Variants in GGA2 observed in about 807,000 individuals in gnomAD.
GGA2 encodes ADP-ribosylation factor-binding protein GGA2.
GGA2 carries 48 observed loss-of-function variants against 79.5 expected under a neutral mutation model. The ratio of observed to expected loss-of-function variants is 0.60; its 90% CI spans 0.48 to 0.77. GGA2 has a LOEUF of 0.77. GGA2 is among the 30% of genes least tolerant of loss of function. The pLI, the probability that GGA2 is intolerant of heterozygous loss-of-function variation, is 0.00. For synonymous variants in GGA2, 317 were observed against 302.0 expected (o/e 1.05, Z -0.51); for missense variants, 770 against 774.0 (o/e 0.99, Z 0.06).
rs1313194623 is a variant in GGA2 at position 23,488,657 on chromosome 16, T to C, written c.528A>G (p.Pro176=). Residue 176 remains proline (P), a synonymous_variant, in exon 6 of 17, where the codon CCA becomes CCG. Transcript: ENST00000309859. ...AGATGGAGCTCTTGGGCCAGGGAGA[T>C]GGTGGGGGTAAGATTTTATCCACTG... The part of the protein sequence containing the change: ...KLPVDKILPP[P]SPWPKSSIFD... 7 of 1,611,548 alleles carry C rather than the reference T, an allele frequency of 4.3e-6. No homozygotes were observed. The highest frequency in any genetic ancestry group is 2.2e-5 in the East Asian group (1 of 44,866).
intron 4 of GGA2, among the ~76,000 whole-genome samples, chr16:23,492,092 A>C (rs1964796155): frequency 6.6e-6 from 1 of 152,224 alleles, no homozygotes; most frequent in Admixed American, 6.5e-5. Flanking sequence ...AGAATATAAT[A>C]ATAAAATTTG....
In GGA2 at chr16:23,510,492, T is replaced by A. The variant is rs1965030136; in HGVS notation, c.-81A>T. The A allele has an allele frequency of 3.9e-6, 2 of 510,284 alleles. No homozygotes were observed. Among genetic ancestry groups the A allele is most frequent in the Non-Finnish European group, 6.2e-6 (2 of 324,266 alleles). 31.6% of individuals were successfully genotyped at this position (510,284 alleles called of 1,614,324 possible). On this transcript the variant is annotated 5_prime_UTR_variant, in exon 1 of 17. Transcript: ENST00000309859. Reference sequence around the variant, plus strand: ...CGTCCTGGCGCTCTCCTCTGCTGACTGCGCGGCAGGAGCGGTGGACACGTG... The same window carrying A: ...CGTCCTGGCGCTCTCCTCTGCTGACAGCGCGGCAGGAGCGGTGGACACGTG...
intron 1 of GGA2, among the ~76,000 whole-genome samples, chr16:23,498,071 G>A (rs1483748591): frequency 6.6e-6 from 1 of 152,176 alleles, no homozygotes; most frequent in Admixed American, 6.5e-5. Context: ...CCTGAACTCA[G>A]GAGTTGGAGG....
chr16:23,482,139 C>T (rs1033321198), intron 9 of GGA2, among the ~76,000 whole-genome samples: 1 of 152,132 alleles, frequency 6.6e-6, no homozygotes, highest in African/African-American at 2.4e-5. Flanking sequence ...TGGTGGGTGC[C>T]TATAATCCCA....
At chr16:23,485,913 A>T in intron 8 of GGA2, 102 bp downstream of exon 8, 1 of 1,066,300 alleles carries the variant, frequency 9.4e-7, no homozygotes, top group Non-Finnish European at 1.4e-6. Context: ...AGATATGTTT[A>T]CCGTCTTGAC....
intron 16 of GGA2, among the ~76,000 whole-genome samples, chr16:23,468,042 G>A (rs1248978842): frequency 2.0e-5 from 3 of 152,138 alleles, no homozygotes; most frequent in African/African-American, 7.2e-5. Context: ...CCCAAAGACA[G>A]ACTCCAGCGA....
chr16:23,485,137 C>T (rs1185444909), intron 8 of GGA2, among the ~76,000 whole-genome samples: 1 of 152,132 alleles, frequency 6.6e-6, no homozygotes, highest in Non-Finnish European at 1.5e-5. Context: ...GACACGAAAG[C>T]CCACGTATTG....
In GGA2 at chr16:23,463,937, A is replaced by C. The variant is rs1267314713; in HGVS notation, c.*3653T>G. The C allele has an allele frequency of 6.6e-6, 1 of 152,316 alleles. No individual in the cohort carries two copies. Among genetic ancestry groups the C allele is most frequent in the Non-Finnish European group, 1.5e-5 (1 of 68,076 alleles). The allele number at this position is 152,316 out of a possible 1,614,324, so 9.4% of individuals were successfully genotyped here. A position where few individuals can be genotyped will look rare whatever the true frequency, so the allele number is the denominator to read the frequency against. Reference sequence around the variant, plus strand: ...AGCTACAATCACGCCACTGCACTCCAGCCTGGGCAACAGAGCAAAGCCCTG... The same window carrying C: ...AGCTACAATCACGCCACTGCACTCCCGCCTGGGCAACAGAGCAAAGCCCTG... On this transcript the variant is annotated 3_prime_UTR_variant, in exon 17 of 17. Coordinates refer to ENST00000309859, the MANE Select transcript of GGA2 (RefSeq NM_015044.4).
At chr16:23,500,909 C>T (rs1196971513) in intron 1 of GGA2, 1 of 190,118 alleles carries the variant, frequency 5.3e-6, no homozygotes, top group Non-Finnish European at 1.1e-5. Flanking sequence ...AAGAGGAGCT[C>T]TCACCTATAT....
At chr16:23,476,449 G>C (rs1388417462) in intron 13 of GGA2, among the ~76,000 whole-genome samples, 2 of 152,088 alleles carry the variant, frequency 1.3e-5, no homozygotes. Context: ...TCCCTTCAGG[G>C]ATCTATACTA....
At chr16:23,509,274 A>G (rs901662548) in intron 1 of GGA2, among the ~76,000 whole-genome samples, 1 of 152,150 alleles carries the variant, frequency 6.6e-6, no homozygotes, top group African/African-American at 2.4e-5. Flanking sequence ...CCTGAGCTTT[A>G]GGCTTGCACT....
upstream of GGA2, among the ~76,000 whole-genome samples, chr16:23,512,372 C>T (rs1481786181): frequency 2.0e-5 from 3 of 152,218 alleles, no homozygotes; most frequent in African/African-American, 7.2e-5. Flanking sequence ...AGATGTTCCT[C>T]TTAGATAAAG....
upstream of GGA2, among the ~76,000 whole-genome samples, chr16:23,511,452 C>T (rs532001415): frequency 5.7e-4 from 87 of 151,828 alleles, no homozygotes; most frequent in Non-Finnish European, 9.0e-4. Flanking sequence ...AGCCACCACG[C>T]CCGGCCTATG....
intron 1 of GGA2, chr16:23,501,070 G>A (rs1964916619): frequency 2.7e-6 from 1 of 364,248 alleles, no homozygotes; most frequent in African/African-American, 2.1e-5. Context: ...TACGCAAATA[G>A]ATCTCTGGCT....
chr16:23,475,153 AACAC>A (rs370349546), intron 13 of GGA2, 92 bp from the exon 14 acceptor site: 12 of 667,008 alleles, frequency 1.8e-5, no homozygotes, highest in Non-Finnish European at 2.3e-5. Context: ...AGGAAAAAAT[AACAC>A]ACACACACAC....
At chr16:23,479,001 T>C in intron 11 of GGA2, 90 bp from the exon 12 acceptor site, 3 of 915,124 alleles carry the variant, frequency 3.3e-6, no homozygotes, top group Non-Finnish European at 5.4e-6. Context: ...TTCTAGGACA[T>C]CCAGAAAGTC....
At chr16:23,508,371 T>C (rs1964998958) in intron 1 of GGA2, among the ~76,000 whole-genome samples, 1 of 152,164 alleles carries the variant, frequency 6.6e-6, no homozygotes, top group South Asian at 2.1e-4. Flanking sequence ...TTCTAATTTT[T>C]GCAACTCCAG....
At chr16:23,498,552 G>A (rs1018470608) in intron 1 of GGA2, among the ~76,000 whole-genome samples, 15 of 152,132 alleles carry the variant, frequency 9.9e-5, no homozygotes, top group Non-Finnish European at 1.9e-4. Context: ...ACATAGTGAG[G>A]CCCCATCTCT....
chr16:23,475,189 C>CTT (rs370261106), intron 13 of GGA2, 128 bp from the exon 14 acceptor site: 614 of 320,146 alleles, frequency 1.9e-3, no homozygotes, highest in South Asian at 4.2e-3. Flanking sequence ...TGTTATATGC[C>CTT]TTTTTTTTTT....
Sources: allele counts gnomAD v4.1 joint callset (sites outside exome capture counted in the v4.1 genomes callset), GRCh38; gene constraint gnomAD v4.1.1; transcripts MANE v1.5; gene names NCBI Gene and HGNC (gene_info 2026-07-23, HGNC 2026-07-21).